Variants in LUC7L3 observed in about 807,000 individuals in gnomAD.
LUC7L3 encodes the protein LUC7 like 3 pre-mRNA splicing factor.
LUC7L3 carries 6 observed loss-of-function variants against 66.8 expected under a neutral mutation model. The observed-to-expected ratio is 0.09, with a 90% CI of 0.05 to 0.18. LUC7L3 has a LOEUF of 0.18. Ranked by LOEUF, LUC7L3 falls within the 10% of genes least tolerant of loss-of-function variation. The pLI is 1.00. For synonymous variants in LUC7L3, 160 were observed against 174.7 expected (o/e 0.92, Z 0.66); for missense variants, 341 against 531.1 (o/e 0.64, Z 3.52).
rs912138577 is a variant in LUC7L3, at chr17:50,753,525, A to T, written c.*2864A>T. On this transcript the variant is annotated 3_prime_UTR_variant, in exon 10 of 10. Transcript: ENST00000505658. ...GTATGAAAAAATGCTGTGGAGACAG[A>T]GCCCTCCTGGCTCCCTAGCTGATCC... 1 of 152,236 alleles carries T rather than the reference A, an allele frequency of 6.6e-6. No individual in the cohort carries two copies. The highest frequency in any genetic ancestry group is 1.5e-5 in the Non-Finnish European group (1 of 68,034). The allele number at this position is 152,236 out of a possible 1,614,324, so 9.4% of individuals were successfully genotyped here.
intron 9 of LUC7L3, among the ~76,000 whole-genome samples, chr17:50,748,221 A>G (rs535288677): frequency 3.3e-5 from 5 of 152,330 alleles, no homozygotes; most frequent in Middle Eastern, 6.8e-3. Context: ...CTGACTAAAA[A>G]CAGGCATATT....
intron 1 of LUC7L3, among the ~76,000 whole-genome samples, chr17:50,727,289 T>G (rs1056391971): frequency 6.6e-6 from 1 of 152,116 alleles, no homozygotes; most frequent in African/African-American, 2.4e-5. Context: ...TTTATTTAGT[T>G]CAGTTCCCCA....
intron 2 of LUC7L3, among the ~76,000 whole-genome samples, chr17:50,739,632 C>T (rs890131012): frequency 2.7e-5 from 4 of 147,240 alleles, no homozygotes; most frequent in Non-Finnish European, 6.0e-5. Context: ...CCGGCCTGGG[C>T]GACAGAGCAA....
At position 50,751,516 on chromosome 17, in the gene LUC7L3, G is replaced by A. The variant is rs1417508505; in HGVS notation, c.*855G>A. ...TTGCGTGAAAACTTATAAAACAAAT[G>A]TTAACAGAATGGAATTTTTTTTCAA... On this transcript the variant is annotated 3_prime_UTR_variant, in exon 10 of 10. Transcript: ENST00000505658. The A allele has an allele frequency of 2.5e-6, 3 of 1,176,844 alleles. No homozygotes were observed. The highest frequency in any genetic ancestry group is 1.1e-6 in the Non-Finnish European group (1 of 935,210). 72.9% of individuals were successfully genotyped at this position (1,176,844 alleles called of 1,614,324 possible).
intron 1 of LUC7L3, among the ~76,000 whole-genome samples, chr17:50,724,612 TGTGTGTG>T: frequency 1.6e-3 from 1 of 610 alleles, no homozygotes; most frequent in Non-Finnish European, 3.7e-3. Context: ...TTAGGAAAAT[TGTGTGTG>T]TGTGTGTGTG....
In LUC7L3 at chr17:50,753,750, G is replaced by A. The variant is rs1971059010; in HGVS notation, c.*3089G>A. 1 of 152,078 alleles carries A rather than the reference G, an allele frequency of 6.6e-6. No homozygotes were observed. 9.4% of individuals were successfully genotyped at this position (152,078 alleles called of 1,614,324 possible). A position where few individuals can be genotyped will look rare whatever the true frequency, so the allele number is the denominator to read the frequency against. ...TTTTTAAACCATATTCTGTCCCTAA[G>A]TAATAAAAAATCTAGGAAGTTACTA... On this transcript the variant is annotated 3_prime_UTR_variant, in exon 10 of 10. Coordinates refer to ENST00000505658, the MANE Select transcript of LUC7L3 (RefSeq NM_016424.5).
rs1044089110 is a variant in LUC7L3, at chr17:50,754,097, CA to C, written c.*3439del. On this transcript the variant is annotated 3_prime_UTR_variant, in exon 10 of 10. Transcript: ENST00000505658. Reference sequence around the variant, plus strand: ...ATTGAGACCAGTTCACTAGAAGAAACAAACATTTCTGCCATGCAGACCAAAA... The same window carrying C: ...ATTGAGACCAGTTCACTAGAAGAAACAACATTTCTGCCATGCAGACCAAAA... The C allele has an allele frequency of 3.9e-5, 6 of 152,130 alleles. No individual in the cohort carries two copies. The highest frequency in any genetic ancestry group is 7.2e-5 in the African/African-American group (3 of 41,436). 9.4% of individuals were successfully genotyped at this position (152,130 alleles called of 1,614,324 possible).
At chr17:50,732,290 G>C (rs1039241106) in intron 1 of LUC7L3, among the ~76,000 whole-genome samples, 2 of 152,178 alleles carry the variant, frequency 1.3e-5, no homozygotes, top group Admixed American at 1.3e-4. Context: ...ACCCAAGATG[G>C]AGTTGCTTTC....
chr17:50,720,699 T>C (rs1044715499), intron 1 of LUC7L3, among the ~76,000 whole-genome samples: 3 of 152,258 alleles, frequency 2.0e-5, no homozygotes, highest in Non-Finnish European at 4.4e-5. Context: ...TAATCTAACA[T>C]GCTAATTTTA....
intron 2 of LUC7L3, among the ~76,000 whole-genome samples, chr17:50,739,101 C>G (rs1219730371): frequency 6.6e-6 from 1 of 152,022 alleles, no homozygotes; most frequent in Non-Finnish European, 1.5e-5. Flanking sequence ...TCAGGAAACT[C>G]CACCAAAACA....
At position 50,719,682 on chromosome 17, in the gene LUC7L3, T is replaced by G; in HGVS notation, c.-51T>G. ...GATTGGCGACGGTGTCGCCCGTGTT[T>G]TCGTTGGCGGGTGCCTGGGCTGGTG... On this transcript the variant is annotated 5_prime_UTR_variant, in exon 1 of 10. Transcript: ENST00000505658. 3 of 1,497,714 alleles carry G rather than the reference T, an allele frequency of 2.0e-6. No homozygotes were observed. Among genetic ancestry groups the G allele is most frequent in the Non-Finnish European group, 2.8e-6 (3 of 1,085,930 alleles). 92.8% of individuals were successfully genotyped at this position (1,497,714 alleles called of 1,614,324 possible).
intron 1 of LUC7L3, among the ~76,000 whole-genome samples, chr17:50,735,778 G>A (rs1969945531): frequency 6.6e-6 from 1 of 152,082 alleles, no homozygotes; most frequent in Admixed American, 6.6e-5. Flanking sequence ...GATTACAGGT[G>A]TGAGCCACCA....
At chr17:50,726,788 A>G (rs1367228616) in intron 1 of LUC7L3, among the ~76,000 whole-genome samples, 1 of 152,106 alleles carries the variant, frequency 6.6e-6, no homozygotes, top group South Asian at 2.1e-4. Context: ...AGCTTACTTT[A>G]TTGTAAGAAT....
intron 7 of LUC7L3, 87 bp downstream of exon 7, chr17:50,744,900 C>A: frequency 9.0e-7 from 1 of 1,112,380 alleles, no homozygotes; most frequent in Non-Finnish European, 1.3e-6. Flanking sequence ...CCACCTCCAC[C>A]TCCCAGGTTT....
chr17:50,756,151 C>CTGTATGTTTATGTGCTTT lies in LUC7L3; in HGVS notation c.*5498_*5515dup. 1 of 152,120 alleles carries CTGTATGTTTATGTGCTTT rather than the reference C, an allele frequency of 6.6e-6. No homozygotes were observed. The highest frequency in any genetic ancestry group is 6.5e-5 in the Admixed American group (1 of 15,284). The allele number at this position is 152,120 out of a possible 1,614,324, so 9.4% of individuals were successfully genotyped here. ...GCCTGTGGGCATTTCCTTTTTTAAT[C>CTGTATGTTTATGTGCTTT]TGTATGTTTATGTGCTTTTGTATGT... On this transcript the variant is annotated 3_prime_UTR_variant, in exon 10 of 10. Transcript: ENST00000505658.
At chr17:50,732,560 C>CT (rs11360311) in intron 1 of LUC7L3, among the ~76,000 whole-genome samples, 22,576 of 133,180 alleles carry the variant, frequency 0.17, 2,225 homozygotes, top group African/African-American at 0.27. Context: ...TTTTTTCATT[C>CT]TTTTTTTTTT....
intron 2 of LUC7L3, among the ~76,000 whole-genome samples, chr17:50,739,259 A>G (rs1463360225): frequency 2.0e-5 from 3 of 152,350 alleles, no homozygotes; most frequent in Non-Finnish European, 4.4e-5. Flanking sequence ...CAGAAGGCCC[A>G]TGGAAGAAAA....
chr17:50,739,497 C>CA lies in LUC7L3; in HGVS notation c.167-802dup, dbSNP rs987350413. On this transcript the variant is annotated intron_variant, in intron 2 of 9. Coordinates refer to ENST00000505658, the MANE Select transcript of LUC7L3 (RefSeq NM_016424.5). ...TGAAATCCTGTCTCTACTAAAAATA[C>CA]AAAAAAATTACGCAGGCATGGTGGT... 1.2e-4 allele frequency among the ~76,000 whole-genome samples: 18 copies of CA among 152,116 alleles called. No individual in the cohort carries two copies. In the South Asian group the frequency reaches 1.2e-3, roughly 11 times the overall value.
chr17:50,722,585 A>C (rs1968860460), intron 1 of LUC7L3: 1 of 152,226 alleles, frequency 6.6e-6, no homozygotes, highest in African/African-American at 2.4e-5. Context: ...ATATCTGCAC[A>C]ATTAAATCTT....
Sources: gnomAD v4.1 joint callset for allele counts (sites outside exome capture counted in the v4.1 genomes callset) on GRCh38, gnomAD v4.1.1 for gene constraint, MANE v1.5 for transcripts, NCBI Gene and HGNC (gene_info 2026-07-23, HGNC 2026-07-21) for gene names.